Variants in PIP5KL1 observed in about 807,000 individuals in gnomAD.
The protein encoded by PIP5KL1 is phosphatidylinositol-4-phosphate 5-kinase like 1.
A neutral mutation model predicts 47.6 loss-of-function variants in PIP5KL1; 45 were observed. That is an observed-to-expected ratio of 0.94 (90% confidence interval 0.74 to 1.21). The LOEUF is 1.21. Ranked by LOEUF, PIP5KL1 falls within the 50% of genes most tolerant of loss-of-function variation. The pLI is 0.00. For missense variants in PIP5KL1, 577 were observed against 547.6 expected (o/e 1.05, Z -0.54); for synonymous variants, 256 against 234.6 (o/e 1.09, Z -0.84).
Position 127,929,594 on chromosome 9 carries a change from C to CT in PIP5KL1, c.228+93dup. ...GCCTTCCTCCCCTTGATATCCCTCT[C>CT]TGATCCCCACACCTGCAGTTTCAGC... is the stretch of plus-strand genomic sequence containing the variant. On this transcript the variant is annotated intron_variant, in intron 2 of 9. Transcript: ENST00000388747. The surrounding 1 kb of genome is among the most constrained non-coding windows in gnomAD (Gnocchi z 4.0). 1.6e-6 allele frequency: 2 copies of CT among 1,274,946 alleles called. No homozygotes were observed. The highest frequency in any genetic ancestry group is 3.1e-5 in the South Asian group (2 of 64,194). 79.0% of individuals were successfully genotyped at this position (1,274,946 alleles called of 1,614,324 possible).
chr9:127,927,979 A>G lies in PIP5KL1; in HGVS notation c.434+86T>C, dbSNP rs2131640457. The G allele has an allele frequency of 6.9e-7, 1 of 1,453,774 alleles. No homozygotes were observed. Among genetic ancestry groups the G allele is most frequent in the Admixed American group, 2.6e-5 (1 of 37,978 alleles). The allele number at this position is 1,453,774 out of a possible 1,614,324, so 90.1% of individuals were successfully genotyped here. On this transcript the variant is annotated intron_variant, in intron 4 of 9. Coordinates refer to ENST00000388747, the MANE Select transcript of PIP5KL1 (RefSeq NM_001135219.2). The surrounding 1 kb of genome is among the most constrained non-coding windows in gnomAD (Gnocchi z 5.5). ...TTAGGGCCGCTCTGTTTCTCTCTTC[A>G]GGGGGCCTTCCCCGCCACTGGGAAT...
intron 9 of PIP5KL1, among the ~76,000 whole-genome samples, chr9:127,924,489 T>C (rs1210453643): frequency 1.7e-5 from 2 of 119,810 alleles, no homozygotes; most frequent in African/African-American, 3.3e-5. Context: ...AGACTCCATC[T>C]CAAAAAAAAA....
At position 127,927,649 on chromosome 9, in the gene PIP5KL1, C is replaced by T. The variant is rs1831382632; in HGVS notation, c.558G>A (p.Leu186=). ...RHPHSLLARL[L]GVHSLRVDRG... is the part of the protein sequence containing the mutation. Reference sequence around the variant, plus strand: ...CGAGCCCCGCCCCCAGCCAAGTACCCAGCAACCGCGCCAGCAGCGAGTGCG... The same window carrying T: ...CGAGCCCCGCCCCCAGCCAAGTACCTAGCAACCGCGCCAGCAGCGAGTGCG... The change falls in exon 5 of 10, where the codon CTG becomes CTA. Residue 186 remains leucine (L), a splice_region_variant and synonymous_variant. Transcript: ENST00000388747. This position sits in a 1 kb window ranked among gnomAD's most constrained non-coding sequence, Gnocchi z 5.5. The T allele has an allele frequency of 6.5e-7, 1 of 1,535,898 alleles. No homozygotes were observed. The highest frequency in any genetic ancestry group is 8.7e-7 in the Non-Finnish European group (1 of 1,145,638).
In PIP5KL1 at chr9:127,921,783, G is replaced by A. The variant is rs1831284032; in HGVS notation, c.*64C>T. On this transcript the variant is annotated 3_prime_UTR_variant, in exon 10 of 10. Coordinates refer to ENST00000388747, the MANE Select transcript of PIP5KL1 (RefSeq NM_001135219.2). ...AAGCGCAGGCGAGATGCCCGGGCCC[G>A]GGGGAACCGGCGTTCCTGGCGTGAG... 2.7e-6 allele frequency: 4 copies of A among 1,495,444 alleles called. No individual in the cohort carries two copies. The highest frequency in any genetic ancestry group is 2.5e-5 in the East Asian group (1 of 40,742). 92.6% of individuals were successfully genotyped at this position (1,495,444 alleles called of 1,614,324 possible).
At chr9:127,923,527 A>T (rs1391687271) in intron 9 of PIP5KL1, among the ~76,000 whole-genome samples, 1 of 152,264 alleles carries the variant, frequency 6.6e-6, no homozygotes. Context: ...AGGGCAAGGG[A>T]AAAGCTGACC....
chr9:127,925,839 A>C (rs1831353936), intron 8 of PIP5KL1, 28 bp downstream of exon 8: 2 of 1,550,508 alleles, frequency 1.3e-6, no homozygotes, highest in Non-Finnish European at 1.8e-6. Context: ...TGAAGGAGGA[A>C]CAGGCAGTGG....
chr9:127,925,332 C>T lies in PIP5KL1; in HGVS notation c.764-72G>A, dbSNP rs558013376. ...CCACGGTGCTCCACACACTCTGCCCCGTGACAGCATGTGGCATTACTGTCC... is the reference window on the plus strand; with the variant it reads ...CCACGGTGCTCCACACACTCTGCCCTGTGACAGCATGTGGCATTACTGTCC... On this transcript the variant is annotated intron_variant, in intron 8 of 9. Transcript: ENST00000388747. The T allele has an allele frequency of 5.8e-4, 891 of 1,540,526 alleles. 2 individuals are homozygous for T. The highest frequency in any genetic ancestry group is 7.1e-4 in the Non-Finnish European group (814 of 1,142,448).
In PIP5KL1 at chr9:127,927,240, G is replaced by A. The variant is rs376599654; in HGVS notation, c.595-32C>T. ...GCCGGGACAGGGAGTGAGGGAGGCC[G>A]GCTGTCGCCCTCCAGCCGCCCGCTC... On this transcript the variant is annotated intron_variant, in intron 6 of 9. Coordinates refer to ENST00000388747, the MANE Select transcript of PIP5KL1 (RefSeq NM_001135219.2). This position sits in a 1 kb window ranked among gnomAD's most constrained non-coding sequence, Gnocchi z 5.5. The A allele has an allele frequency of 3.5e-5, 57 of 1,611,846 alleles. No individual in the cohort carries two copies. The Admixed American group carries it at 9.2e-4, about 26-fold the overall frequency.
rs765932269 is a variant in PIP5KL1, at chr9:127,928,417, A to G, written c.279+16T>C. 6.3e-7 allele frequency: 1 copy of G among 1,594,766 alleles called. No individual in the cohort carries two copies. On this transcript the variant is annotated intron_variant, in intron 3 of 9. Transcript: ENST00000388747. ...CCAGCACACGTCCCTCCCACACGGG[A>G]GTCTGGGCCTCCTACCTCGTGAACC...
At position 127,929,095 on chromosome 9, in the gene PIP5KL1, G is replaced by A. The variant is rs190487111; in HGVS notation, c.228+593C>T. 1.2e-3 allele frequency among the ~76,000 whole-genome samples: 189 copies of A among 152,346 alleles called. No homozygotes were observed. The highest frequency in any genetic ancestry group is 4.4e-3 in the African/African-American group (185 of 41,578). On this transcript the variant is annotated intron_variant, in intron 2 of 9. Coordinates refer to ENST00000388747, the MANE Select transcript of PIP5KL1 (RefSeq NM_001135219.2). This position sits in a 1 kb window ranked among gnomAD's most constrained non-coding sequence, Gnocchi z 4.0. ...GGGAGCCATGGAAGCTTTTCAGCAG[G>A]TGATGAGGTCAGTTTGTGATTTAGA...
chr9:127,924,918 A>G (rs1014211010), intron 9 of PIP5KL1, among the ~76,000 whole-genome samples, 189 bp downstream of exon 9: 2 of 151,802 alleles, frequency 1.3e-5, no homozygotes, highest in South Asian at 2.1e-4. Flanking sequence ...ACATGCACGC[A>G]CACACACGCA....
chr9:127,921,654 A>T lies in PIP5KL1; in HGVS notation c.*193T>A. The stretch of plus-strand genomic sequence containing the variant: ...TTTTGAGGATTAAATGAGCTAAAGT[A>T]GGGGAGTCCTTGGCACGATGCTGGG... On this transcript the variant is annotated 3_prime_UTR_variant, in exon 10 of 10. Coordinates refer to ENST00000388747, the MANE Select transcript of PIP5KL1 (RefSeq NM_001135219.2). 1 of 712,142 alleles carries T rather than the reference A, an allele frequency of 1.4e-6. No homozygotes were observed. Among genetic ancestry groups the T allele is most frequent in the Non-Finnish European group, 2.3e-6 (1 of 443,086 alleles). The allele number at this position is 712,142 out of a possible 1,614,324, so 44.1% of individuals were successfully genotyped here. A position where few individuals can be genotyped will look rare whatever the true frequency, so the allele number is the denominator to read the frequency against.
chr9:127,922,629 G>A (rs1201901182), intron 9 of PIP5KL1, among the ~76,000 whole-genome samples: 1 of 139,476 alleles, frequency 7.2e-6, no homozygotes, highest in Non-Finnish European at 1.5e-5. Context: ...GGGAGGCGGA[G>A]GGTTGCAGTG....
rs997810595 is a variant in PIP5KL1, at chr9:127,921,718, A to G, written c.*129T>C. 3 of 1,246,828 alleles carry G rather than the reference A, an allele frequency of 2.4e-6. No homozygotes were observed. In the South Asian group the frequency reaches 4.7e-5, roughly 19 times the overall value. The allele number at this position is 1,246,828 out of a possible 1,614,324, so 77.2% of individuals were successfully genotyped here. On this transcript the variant is annotated 3_prime_UTR_variant, in exon 10 of 10. Transcript: ENST00000388747. ...TCAAACGGGACTGCGCGGTTACGGT[A>G]TTAGTTAGGGGATGCTGCCCTCTGG...
chr9:127,922,436 G>A (rs1370109430), intron 9 of PIP5KL1, among the ~76,000 whole-genome samples: 2 of 152,136 alleles, frequency 1.3e-5, no homozygotes, highest in South Asian at 2.1e-4. Flanking sequence ...AGTGGCTCAC[G>A]CCTGTAATCC....
At position 127,927,583 on chromosome 9, in the gene PIP5KL1, C is replaced by T; in HGVS notation, c.559+65G>A. 1 of 1,477,250 alleles carries T rather than the reference C, an allele frequency of 6.8e-7. No individual in the cohort carries two copies. Among genetic ancestry groups the T allele is most frequent in the Non-Finnish European group, 8.9e-7 (1 of 1,118,218 alleles). 91.5% of individuals were successfully genotyped at this position (1,477,250 alleles called of 1,614,324 possible). ...CCATTTGGGCCCCGCCCACATACCCCGCCCTCCCCAGGTATATGATGACCT... is the reference window on the plus strand; with the variant it reads ...CCATTTGGGCCCCGCCCACATACCCTGCCCTCCCCAGGTATATGATGACCT... On this transcript the variant is annotated intron_variant, in intron 5 of 9. Coordinates refer to ENST00000388747, the MANE Select transcript of PIP5KL1 (RefSeq NM_001135219.2). This position sits in a 1 kb window ranked among gnomAD's most constrained non-coding sequence, Gnocchi z 5.5.
rs745638562 is a variant in PIP5KL1 at position 127,921,862 on chromosome 9, C to T, written c.1170G>A (p.Glu390=). ...CGGGCGCCCGTCACTCCGTGTGCGC[C>T]TCCACCCACTGGCAGAGGCGACGGG... The part of the protein sequence containing the change: ...RYARRLCQWV[E]AHTE Residue 390 remains glutamate (E), a synonymous_variant, in exon 10 of 10, where the codon GAG becomes GAA. Coordinates refer to ENST00000388747, the MANE Select transcript of PIP5KL1 (RefSeq NM_001135219.2). 5.7e-6 allele frequency: 9 copies of T among 1,574,856 alleles called. No individual in the cohort carries two copies. The South Asian group carries it at 1.0e-4, about 18-fold the overall frequency.
chr9:127,930,386 G>C (rs1011491883), intron 1 of PIP5KL1, among the ~76,000 whole-genome samples: 3 of 152,244 alleles, frequency 2.0e-5, no homozygotes. Flanking sequence ...GGAGGGGCCA[G>C]CACGATGCTT....
chr9:127,926,120 TTC>T (rs1831358130), intron 7 of PIP5KL1, 141 bp from the exon 8 acceptor site: 1 of 467,278 alleles, frequency 2.1e-6, no homozygotes, highest in South Asian at 4.3e-5. Context: ...GCCTGTCTTT[TTC>T]TCTTTCTTTC....
Sources: gnomAD v4.1 joint callset for allele counts (sites outside exome capture counted in the v4.1 genomes callset) on GRCh38, gnomAD v4.1.1 for gene constraint, Gnocchi (gnomAD v3.1) non-coding constraint, MANE v1.5 for transcripts, NCBI Gene and HGNC (gene_info 2026-07-23, HGNC 2026-07-21) for gene names.